WSCD2: variants seen among roughly 807,000 people sequenced by gnomAD.
WSCD2 encodes WSC domain sialate O sulfotransferase 2, also known as sialate:O-sulfotransferase 2.
WSCD2 carries 28 observed loss-of-function variants against 55.7 expected under a neutral mutation model. That is an observed-to-expected ratio of 0.50 (90% confidence interval 0.37 to 0.69). WSCD2 has a LOEUF of 0.69. WSCD2 is among the 30% of genes least tolerant of loss of function. The pLI, the probability that WSCD2 is intolerant of heterozygous loss-of-function variation, is 0.00. For missense variants in WSCD2, 616 were observed against 762.1 expected, an observed-to-expected ratio of 0.81 and a Z score of 2.26; for synonymous variants, 301 against 301.9, an observed-to-expected ratio of 1.00 and a Z score of 0.03.
chr12:108,226,797 T>C lies in WSCD2; in HGVS notation c.805-193T>C, dbSNP rs186716691. Among the ~76,000 whole-genome samples the C allele has an allele frequency of 3.2e-4, 49 of 152,312 alleles. No homozygotes were observed. The East Asian group carries it at 6.0e-3, about 19-fold the overall frequency. On this transcript the variant is annotated intron_variant, in intron 5 of 8. Transcript: ENST00000547525. The stretch of plus-strand genomic sequence containing the variant: ...TTAAAGGAAACGAATAAGTAAACAA[T>C]AGTACAGTAGGTGCACAGGTAGGGC...
Position 108,220,746 on chromosome 12 carries a change from C to T in WSCD2, c.683-3993C>T, listed in dbSNP as rs147470947. ...AGAGATAGGGTCTTGCTGTGTTGCT[C>T]AGTCTGGTCTCAAATTCCTGGGCTC... On this transcript the variant is annotated intron_variant, in intron 4 of 8. Coordinates refer to ENST00000547525, the MANE Select transcript of WSCD2 (RefSeq NM_014653.4). Among the ~76,000 whole-genome samples, 1,066 of 152,214 alleles carry T rather than the reference C, an allele frequency of 7.0e-3. 7 individuals carry two copies. Among genetic ancestry groups the T allele is most frequent in the Non-Finnish European group, 1.0e-2 (678 of 68,010 alleles).
chr12:108,244,184 C>G (rs920030579), intron 8 of WSCD2, among the ~76,000 whole-genome samples: 3 of 152,202 alleles, frequency 2.0e-5, no homozygotes, highest in African/African-American at 7.2e-5. Context: ...GGAACCAGAA[C>G]TCATTACCAA....
chr12:108,206,256 C>G (rs1262809386), intron 2 of WSCD2, 33 bp from the exon 3 acceptor site: 1 of 1,594,360 alleles, frequency 6.3e-7, no homozygotes, highest in Non-Finnish European at 8.6e-7. Flanking sequence ...AGCTTTGTCC[C>G]CAGCCACCTT....
chr12:108,177,523 A>G (rs976885753), intron 1 of WSCD2, among the ~76,000 whole-genome samples: 12 of 152,220 alleles, frequency 7.9e-5, no homozygotes, highest in Non-Finnish European at 1.3e-4. Flanking sequence ...TACACCTGTA[A>G]AATGAAGATA....
intron 1 of WSCD2, among the ~76,000 whole-genome samples, chr12:108,134,392 C>G (rs117598274): frequency 0.017 from 2,583 of 152,334 alleles, 37 homozygotes; most frequent in Middle Eastern, 0.065. Context: ...TGTACCCATT[C>G]CAAGCTTAGG....
At chr12:108,217,446 G>A (rs1886973821) in intron 4 of WSCD2, among the ~76,000 whole-genome samples, 1 of 152,164 alleles carries the variant, frequency 6.6e-6, no homozygotes, top group Non-Finnish European at 1.5e-5. Flanking sequence ...AGGGAAGTGG[G>A]GAGATTAAAT....
rs1248041798 is a variant in WSCD2, at chr12:108,196,229, C to T, written c.382+15C>T. The T allele has an allele frequency of 6.2e-7, 1 of 1,602,124 alleles. No homozygotes were observed. Among genetic ancestry groups the T allele is most frequent in the Non-Finnish European group, 8.5e-7 (1 of 1,173,860 alleles). ...GGAAGAGCGAGGTAAGAGCGAGGAA[C>T]ATCTGGACACTGAGGGGCTGGGGAG... On this transcript the variant is annotated intron_variant, in intron 2 of 8. Coordinates refer to ENST00000547525, the MANE Select transcript of WSCD2 (RefSeq NM_014653.4).
chr12:108,201,730 T>TA (rs1160634735), intron 2 of WSCD2, among the ~76,000 whole-genome samples: 18 of 152,136 alleles, frequency 1.2e-4, no homozygotes, highest in Admixed American at 1.2e-3. Context: ...TCACAAACTA[T>TA]AAATCAGAGG....
At chr12:108,190,108 A>C (rs1399428061) in intron 1 of WSCD2, among the ~76,000 whole-genome samples, 4 of 152,228 alleles carry the variant, frequency 2.6e-5, no homozygotes, top group Non-Finnish European at 5.9e-5. Context: ...GGGGAAACTG[A>C]TGTTCAAAGA....
chr12:108,205,525 G>C (rs967241937), intron 2 of WSCD2, among the ~76,000 whole-genome samples: 6 of 151,934 alleles, frequency 3.9e-5, no homozygotes, highest in African/African-American at 1.5e-4. Context: ...AGAAAACTAA[G>C]TGTATGATTT....
rs1435591365 is a variant in WSCD2 at position 108,248,780 on chromosome 12, TGAG to T, written c.*438_*440del. ...CCCCAGATGCTTGTCCCTTCTGGGC[TGAG>T]ATTTCGCAGCCCCCTTCTCATCTCC... On this transcript the variant is annotated 3_prime_UTR_variant, in exon 9 of 9. Transcript: ENST00000547525. This position sits in a 1 kb window ranked among gnomAD's most constrained non-coding sequence, Gnocchi z 4.3. 4 of 992,932 alleles carry T rather than the reference TGAG, an allele frequency of 4.0e-6. No homozygotes were observed. The African/African-American group carries it at 5.2e-5, about 13-fold the overall frequency. 61.5% of individuals were successfully genotyped at this position (992,932 alleles called of 1,614,324 possible). A position where few individuals can be genotyped will look rare whatever the true frequency, so the allele number is the denominator to read the frequency against.
intron 1 of WSCD2, among the ~76,000 whole-genome samples, chr12:108,162,530 A>C (rs1333044123): frequency 1.3e-5 from 2 of 152,190 alleles, no homozygotes; most frequent in South Asian, 2.1e-4. Context: ...GAAAGAAAAA[A>C]ATCTATTTCT....
chr12:108,136,175 A>C (rs914920190), intron 1 of WSCD2, among the ~76,000 whole-genome samples: 16 of 152,182 alleles, frequency 1.1e-4, no homozygotes, highest in Non-Finnish European at 2.1e-4. Context: ...GAGAATTCTT[A>C]GATGGAGAGA....
chr12:108,243,649 A>G (rs890169671), intron 8 of WSCD2, among the ~76,000 whole-genome samples: 3 of 152,222 alleles, frequency 2.0e-5, no homozygotes, highest in Non-Finnish European at 2.9e-5. Flanking sequence ...CAACATGGAC[A>G]TCACCTGGGA....
intron 1 of WSCD2, among the ~76,000 whole-genome samples, chr12:108,194,241 G>A (rs898835000): frequency 6.6e-6 from 1 of 152,118 alleles, no homozygotes; most frequent in Admixed American, 6.5e-5. Context: ...GAAAGGTTAG[G>A]AATCTATATT....
intron 1 of WSCD2, among the ~76,000 whole-genome samples, chr12:108,163,885 G>A (rs1879325746): frequency 6.6e-6 from 1 of 152,076 alleles, no homozygotes; most frequent in South Asian, 2.1e-4. Context: ...GTGGTCATAT[G>A]TTACTGCAGC....
intron 1 of WSCD2, among the ~76,000 whole-genome samples, chr12:108,160,895 G>A (rs1465614388): frequency 6.6e-6 from 1 of 152,210 alleles, no homozygotes; most frequent in Non-Finnish European, 1.5e-5. Context: ...GACGAGCTTT[G>A]CAACCCCTGG....
At chr12:108,232,925 G>C (rs1888924147) in intron 7 of WSCD2, 30 bp downstream of exon 7, 1 of 1,601,426 alleles carries the variant, frequency 6.2e-7, no homozygotes, top group East Asian at 2.2e-5. Flanking sequence ...GGCAGGGCAA[G>C]AGGTTCCCTG....
intron 1 of WSCD2, among the ~76,000 whole-genome samples, chr12:108,182,405 A>C (rs1881899054): frequency 6.6e-6 from 1 of 152,194 alleles, no homozygotes; most frequent in South Asian, 2.1e-4. Context: ...CTTAGAAAAA[A>C]ATTTCACAAT....
Sources: allele counts gnomAD v4.1 joint callset (sites outside exome capture counted in the v4.1 genomes callset), GRCh38; gene constraint gnomAD v4.1.1; non-coding constraint Gnocchi (gnomAD v3.1); transcripts MANE v1.5; gene names NCBI Gene and HGNC (gene_info 2026-07-23, HGNC 2026-07-21).